CHD4: variants seen among roughly 807,000 people sequenced by gnomAD.
CHD4 encodes chromodomain helicase DNA binding protein 4.
In CHD4, 35 loss-of-function variants were observed where a neutral mutation model predicts 235.5. That is an observed-to-expected ratio of 0.15 (90% CI 0.11 to 0.20). The LOEUF (loss-of-function observed/expected upper bound fraction) is 0.20. Among genes scored for constraint, CHD4 ranks in the 10% least tolerant of loss-of-function variants. The pLI is 1.00. For synonymous variants in CHD4, 900 were observed against 850.2 expected (o/e 1.06, Z -1.02); for missense variants, 1,329 against 2,432.3 (o/e 0.55, Z 9.54).
intron 34 of CHD4, 62 bp downstream of exon 34, chr12:6,578,773 GCAGGGCAGATA>G: frequency 6.9e-7 from 1 of 1,459,236 alleles, no homozygotes. Context: ...GGACAGGGAG[GCAGGGCAGATA>G]CAGTCCTTGC....
chr12:6,581,857 C>T (rs2136202211), intron 30 of CHD4, 43 bp from the exon 31 acceptor site: 1 of 1,498,104 alleles, frequency 6.7e-7, no homozygotes, highest in Non-Finnish European at 8.9e-7. Flanking sequence ...ATTCCAGCTA[C>T]AGGCTCCTTT....
At chr12:6,591,333 T>C in intron 22 of CHD4, 133 bp downstream of exon 22, 1 of 691,906 alleles carries the variant, frequency 1.4e-6, no homozygotes, top group Non-Finnish European at 2.4e-6. Flanking sequence ...ATTGAGACAT[T>C]CAAAAGCTTT....
At position 6,582,604 on chromosome 12, in the gene CHD4, C is replaced by T. The variant is rs202131693; in HGVS notation, c.4370+11G>A. 1.2e-6 allele frequency: 2 copies of T among 1,605,272 alleles called. No individual in the cohort carries two copies. Among genetic ancestry groups the T allele is most frequent in the East Asian group, 4.5e-5 (2 of 44,870 alleles). ...TTGCTCTAGATCAGTCCACTCCAGC[C>T]CTCAACTCACTTGAACTCTTTCTCT... On this transcript the variant is annotated intron_variant, in intron 29 of 39. Transcript: ENST00000544040.
intron 38 of CHD4, chr12:6,571,295 G>A (rs968934317): frequency 7.7e-6 from 3 of 391,150 alleles, no homozygotes; most frequent in African/African-American, 4.1e-5. Context: ...GAGCTTATTC[G>A]TTTTTTCTCT....
intron 33 of CHD4, among the ~76,000 whole-genome samples, chr12:6,580,007 G>A (rs1948150096): frequency 1.4e-5 from 2 of 143,780 alleles, no homozygotes; most frequent in African/African-American, 2.6e-5. Context: ...AGTGAGCCGA[G>A]ATGGCGCCAC....
chr12:6,581,462 GTCTCATCTTAAATT>G (rs1193295263), intron 31 of CHD4, 74 bp from the exon 32 acceptor site: 1 of 1,550,146 alleles, frequency 6.5e-7, no homozygotes, highest in African/African-American at 1.4e-5. Context: ...TTCCCAGTTT[GTCTCATCTTAAATT>G]GTCCTCTCGT....
intron 14 of CHD4, among the ~76,000 whole-genome samples, 163 bp from the exon 15 acceptor site, chr12:6,594,813 A>G (rs543830973): frequency 1.3e-5 from 2 of 152,332 alleles, no homozygotes; most frequent in Admixed American, 1.3e-4. Context: ...TTTCATGTTC[A>G]GTTTAGGGTC....
At chr12:6,577,327 C>T (rs367917436) in intron 37 of CHD4, among the ~76,000 whole-genome samples, 10 of 146,410 alleles carry the variant, frequency 6.8e-5, no homozygotes, top group African/African-American at 2.0e-4. Flanking sequence ...GAGGCTGAGG[C>T]GGGAGAATCA....
chr12:6,578,062 C>T lies in CHD4; in HGVS notation c.5195G>A (p.Arg1732Gln). 1 of 1,613,110 alleles carries T rather than the reference C, an allele frequency of 6.2e-7. No individual in the cohort carries two copies. Among genetic ancestry groups the T allele is most frequent in the South Asian group, 1.1e-5 (1 of 91,084 alleles). Residue 1732 changes from arginine to glutamine, a missense_variant, in exon 36 of 40, where the codon CGG becomes CAG. This residue lies in a region of CHD4 where 135 missense variants were observed against 282.3 expected (regional missense o/e 0.48). Transcript: ENST00000544040. ...TKKTYEIWHR[R>Q]HDYWLLAGII... ...GCCGGCTAGCAGCCAGTAGTCATGC[C>T]GTCGATGCCAGATCTCATAAGTCTT... is the stretch of plus-strand genomic sequence containing the variant.
intron 2 of CHD4, chr12:6,603,155 CA>C (rs745850899): frequency 8.4e-4 from 128 of 152,668 alleles, no homozygotes; most frequent in Non-Finnish European, 6.0e-4. Context: ...GGGCCCGAAT[CA>C]GCCCAGCTGT....
intron 3 of CHD4, 63 bp from the exon 4 acceptor site, chr12:6,602,238 C>A: frequency 1.3e-6 from 2 of 1,596,168 alleles, no homozygotes; most frequent in Non-Finnish European, 1.7e-6. Flanking sequence ...ATGCTGACCT[C>A]AGGACAGCCC....
chr12:6,592,875 C>G (rs1948424245), intron 17 of CHD4, 58 bp from the exon 18 acceptor site: 1 of 1,573,562 alleles, frequency 6.4e-7, no homozygotes, highest in Non-Finnish European at 8.6e-7. Context: ...TAGCAAATCT[C>G]TACAAAATTT....
rs941119356 is a variant in CHD4, at chr12:6,604,237, G to A, written c.101-1740C>T. ...TTGCAGTGAGCCAAGATCGCACACT[G>A]CACTCCAACCTTGGCGACAGAGTGA... On this transcript the variant is annotated intron_variant, in intron 2 of 39. Coordinates refer to ENST00000544040, the MANE Select transcript of CHD4 (RefSeq NM_001273.5). 5.3e-5 allele frequency among the ~76,000 whole-genome samples: 8 copies of A among 152,100 alleles called. 1 individual carries two copies. Among genetic ancestry groups the A allele is most frequent in the Admixed American group, 2.6e-4 (4 of 15,270 alleles).
Position 6,606,439 on chromosome 12 carries a change from C to G in CHD4, c.-66G>C. 2 of 968,834 alleles carry G rather than the reference C, an allele frequency of 2.1e-6. No individual in the cohort carries two copies. The highest frequency in any genetic ancestry group is 5.3e-5 in the Admixed American group (2 of 38,016). 60.0% of individuals were successfully genotyped at this position (968,834 alleles called of 1,614,324 possible). On this transcript the variant is annotated 5_prime_UTR_variant, in exon 2 of 40. Transcript: ENST00000544040. Reference sequence around the variant, plus strand: ...TGCCGGCGGCCTGAGGACCTCTACACTGGCCCGAGTCACTGTGCGGGGGAG... The same window carrying G: ...TGCCGGCGGCCTGAGGACCTCTACAGTGGCCCGAGTCACTGTGCGGGGGAG...
chr12:6,583,400 G>A (rs1369846830), intron 25 of CHD4, 22 bp from the exon 26 acceptor site: 1 of 1,586,254 alleles, frequency 6.3e-7, no homozygotes, highest in Admixed American at 1.7e-5. Flanking sequence ...GGAGGGCCAG[G>A]ACTCAGGAGT....
chr12:6,603,444 C>T (rs1006967461), intron 2 of CHD4, among the ~76,000 whole-genome samples: 3 of 152,000 alleles, frequency 2.0e-5, no homozygotes, highest in African/African-American at 7.3e-5. Context: ...GGGAGTGCCT[C>T]ACCCACTGAG....
In CHD4 at chr12:6,581,109, T is replaced by A. The variant is rs766609805; in HGVS notation, c.4844A>T (p.Glu1615Val). ...EKVVVEPPEG[E>V]EKVEKAEVKE... ...CACCTCTGCCTTTTCCACTTTCTCC[T>A]CTCCCTCAGGGGGTTCAACAACGAC... Residue 1615 changes from glutamate to valine, a missense_variant, in exon 33 of 40, where the codon GAG (glutamate) becomes GTG (valine). Transcript: ENST00000544040. 1.9e-6 allele frequency: 3 copies of A among 1,613,778 alleles called. No individual in the cohort carries two copies. In the African/African-American group the frequency reaches 4.0e-5, roughly 22 times the overall value.
chr12:6,581,821 C>CA lies in CHD4; in HGVS notation c.4516-8dup, dbSNP rs771610697. 1 of 1,511,440 alleles carries CA rather than the reference C, an allele frequency of 6.6e-7. No homozygotes were observed. The highest frequency in any genetic ancestry group is 1.4e-5 in the African/African-American group (1 of 71,656). 93.6% of individuals were successfully genotyped at this position (1,511,440 alleles called of 1,614,324 possible). On this transcript the variant is annotated splice_polypyrimidine_tract_variant and splice_region_variant and intron_variant, in intron 30 of 39. Transcript: ENST00000544040. ...CATGTTCAAACTCCTGAACCTGTAG[C>CA]AATGGGACAAGAAGTTGAAGACCCA...
rs781428370 is a variant in CHD4 at position 6,606,345 on chromosome 12, G to C, written c.29C>G (p.Pro10Arg). ...CTCCTCCTCACTGCCCGCCGAGCAG[G>C]GGGACGGGGAGCCCAGGCCCGACGC... MASGLGSPS[P>R]CSAGSEEEDM... Residue 10 changes from proline (P) to arginine (R), a missense_variant, in exon 2 of 40, where the codon CCC (proline) becomes CGC (arginine). Transcript: ENST00000544040. 6.4e-7 allele frequency: 1 copy of C among 1,572,014 alleles called. No individual in the cohort carries two copies. The highest frequency in any genetic ancestry group is 2.5e-5 in the East Asian group (1 of 39,806).
Sources: allele counts gnomAD v4.1 joint callset (sites outside exome capture counted in the v4.1 genomes callset), GRCh38; gene constraint gnomAD v4.1.1; regional missense constraint gnomAD v4.1.1; transcripts MANE v1.5; gene names NCBI Gene and HGNC (gene_info 2026-07-23, HGNC 2026-07-21).